The following EFCAB12 variants were observed in gnomAD, a reference collection of about 807,000 sequenced individuals.
EFCAB12 encodes EF-hand calcium-binding domain-containing protein 12.
EFCAB12 carries 43 observed loss-of-function variants against 53.6 expected under a neutral mutation model. The ratio of observed to expected loss-of-function variants is 0.80; its 90% CI spans 0.63 to 1.03. The LOEUF (loss-of-function observed/expected upper bound fraction) is 1.03, where lower values mean the gene tolerates loss of function less well. Among genes scored for constraint, EFCAB12 ranks in the 50% least tolerant of loss-of-function variants. The probability of loss-of-function intolerance (pLI) is 0.00; values close to 1 mark genes in which losing one functional copy is unlikely to be tolerated. For synonymous variants in EFCAB12, 269 were observed against 289.2 expected, an observed-to-expected ratio of 0.93 and a Z score of 0.71; for missense variants, 646 against 730.6, an observed-to-expected ratio of 0.88 and a Z score of 1.34.
intron 6 of EFCAB12, among the ~76,000 whole-genome samples, chr3:129,406,498 TGA>T (rs2071953028): frequency 6.6e-6 from 1 of 152,150 alleles, no homozygotes; most frequent in South Asian, 2.1e-4. Flanking sequence ...TGTGTGTGTA[TGA>T]GAGAGAGACA....
In EFCAB12 at chr3:129,408,775, C is replaced by A; in HGVS notation, c.1119G>T (p.Pro373=). 6.3e-7 allele frequency: 1 copy of A among 1,576,140 alleles called. No individual in the cohort carries two copies. Among genetic ancestry groups the A allele is most frequent in the Non-Finnish European group, 8.6e-7 (1 of 1,159,426 alleles). Residue 373 remains proline, a synonymous_variant, in exon 6 of 9, where the codon CCG becomes CCT. Coordinates refer to ENST00000505956, the MANE Select transcript of EFCAB12 (RefSeq NM_207307.3). Reference sequence around the variant, plus strand: ...CCCTCATATCCCCGTGGATGGTGGACGGGAGGCAGTGCTCATCAAAGTGCC... The same window carrying A: ...CCCTCATATCCCCGTGGATGGTGGAAGGGAGGCAGTGCTCATCAAAGTGCC... The part of the protein sequence containing the change: ...GNRHFDEHCL[P]STIHGDMREL...
In EFCAB12 at chr3:129,416,477, T is replaced by C. The variant is rs542601335; in HGVS notation, c.682-1076A>G. On this transcript the variant is annotated intron_variant, in intron 3 of 8. Coordinates refer to ENST00000505956, the MANE Select transcript of EFCAB12 (RefSeq NM_207307.3). Reference sequence around the variant, plus strand: ...AATGAACTCTCCTGGTGCTAAAGAATGTAATATTTAAACTTTTGGTTATGG... The same window carrying C: ...AATGAACTCTCCTGGTGCTAAAGAACGTAATATTTAAACTTTTGGTTATGG... Among the ~76,000 whole-genome samples, 26 of 152,286 alleles carry C rather than the reference T, an allele frequency of 1.7e-4. No individual in the cohort carries two copies. In the South Asian group the frequency reaches 5.2e-3, roughly 30 times the overall value.
intron 4 of EFCAB12, chr3:129,413,586 GAGAC>G (rs2072074710): frequency 6.6e-6 from 1 of 152,062 alleles, no homozygotes; most frequent in South Asian, 2.1e-4. Flanking sequence ...ACACAACAAA[GAGAC>G]AGAGAAGCAG....
intron 6 of EFCAB12, among the ~76,000 whole-genome samples, chr3:129,406,354 C>T (rs2071950661): frequency 6.6e-6 from 1 of 152,230 alleles, no homozygotes; most frequent in Non-Finnish European, 1.5e-5. Flanking sequence ...ACTGAAGTTG[C>T]TTGCCTGTGT....
At chr3:129,425,631 G>A (rs371944305) in intron 1 of EFCAB12, among the ~76,000 whole-genome samples, 1 of 152,166 alleles carries the variant, frequency 6.6e-6, no homozygotes, top group East Asian at 1.9e-4. Context: ...CCTCCTCAGG[G>A]AGCTTCATTC....
chr3:129,405,067 G>A (rs570135649), intron 6 of EFCAB12, among the ~76,000 whole-genome samples: 5 of 152,218 alleles, frequency 3.3e-5, no homozygotes, highest in Admixed American at 2.6e-4. Context: ...TACCTACCCC[G>A]GCCTCCCAAA....
chr3:129,428,337 G>A, intron 1 of EFCAB12, 103 bp downstream of exon 1: 4 of 1,469,690 alleles, frequency 2.7e-6, no homozygotes, highest in African/African-American at 1.4e-5. Flanking sequence ...TCACCCAGAG[G>A]GGGTCGGCAC....
chr3:129,414,733 G>C (rs894727806), intron 4 of EFCAB12: 1 of 152,346 alleles, frequency 6.6e-6, no homozygotes, highest in African/African-American at 2.4e-5. Context: ...TTGCTTGGCA[G>C]ATGGAACTTG....
chr3:129,426,327 C>T (rs1240732660), intron 1 of EFCAB12, among the ~76,000 whole-genome samples: 5 of 148,596 alleles, frequency 3.4e-5, no homozygotes, highest in Non-Finnish European at 7.4e-5. Flanking sequence ...CCTAAAACAT[C>T]TCCACTTGGA....
intron 6 of EFCAB12, among the ~76,000 whole-genome samples, chr3:129,405,444 T>C (rs1280037541): frequency 1.3e-5 from 2 of 152,220 alleles, no homozygotes; most frequent in African/African-American, 2.4e-5. Context: ...TAAAGTGTGA[T>C]TTAACAATGA....
chr3:129,411,523 T>C, intron 4 of EFCAB12, 169 bp from the exon 5 acceptor site: 1 of 583,392 alleles, frequency 1.7e-6, no homozygotes, highest in South Asian at 2.5e-5. Flanking sequence ...GTACCTTAGA[T>C]GTGGCCCTCC....
intron 6 of EFCAB12, among the ~76,000 whole-genome samples, chr3:129,406,254 G>A (rs9864987): frequency 0.02 from 3,048 of 152,236 alleles, 89 homozygotes; most frequent in African/African-American, 0.063. Context: ...AAGGAGGGAT[G>A]TTTTGGTGAA....
chr3:129,408,944 G>T, intron 5 of EFCAB12, 86 bp from the exon 6 acceptor site: 1 of 1,452,856 alleles, frequency 6.9e-7, no homozygotes, highest in Non-Finnish European at 9.4e-7. Context: ...GTGCCTCATC[G>T]ACCTCTCCCC....
intron 8 of EFCAB12, 36 bp downstream of exon 8, chr3:129,402,487 C>T (rs370665756): frequency 6.2e-7 from 1 of 1,601,558 alleles, no homozygotes; most frequent in African/African-American, 1.3e-5. Flanking sequence ...CTCCTCCCAC[C>T]TTCCTTCCTT....
At chr3:129,403,315 T>C (rs1297128115) in intron 7 of EFCAB12, 1 of 152,382 alleles carries the variant, frequency 6.6e-6, no homozygotes, top group Non-Finnish European at 1.5e-5. Flanking sequence ...ACGACAATCA[T>C]TGATTGAGTG....
chr3:129,405,546 G>A (rs2071938185), intron 6 of EFCAB12, among the ~76,000 whole-genome samples: 1 of 152,174 alleles, frequency 6.6e-6, no homozygotes, highest in African/African-American at 2.4e-5. Flanking sequence ...CTCAGGCTGG[G>A]GAATTTTGAT....
chr3:129,418,352 GCAGGTAGGAGTA>G lies in EFCAB12; in HGVS notation c.571_582del (p.Tyr191_Leu194del), dbSNP rs758413828. ...TCCAGGATCTTGATCTTGCGGCTAT[GCAGGTAGGAGTA>G]CATGACCGACAGGGCAGGGGGCTCG... On this transcript the variant is annotated inframe_deletion, in exon 3 of 9. Coordinates refer to ENST00000505956, the MANE Select transcript of EFCAB12 (RefSeq NM_207307.3). The G allele has an allele frequency of 4.3e-6, 7 of 1,613,886 alleles. No individual in the cohort carries two copies. The highest frequency in any genetic ancestry group is 5.9e-6 in the Non-Finnish European group (7 of 1,179,820).
chr3:129,418,764 A>G (rs900919817), intron 2 of EFCAB12, among the ~76,000 whole-genome samples: 2 of 152,144 alleles, frequency 1.3e-5, no homozygotes, highest in Non-Finnish European at 2.9e-5. Flanking sequence ...CTCTCAGTGC[A>G]CCAAAACCTA....
intron 3 of EFCAB12, 66 bp from the exon 4 acceptor site, chr3:129,415,467 G>A (rs181806040): frequency 6.3e-7 from 1 of 1,582,782 alleles, no homozygotes; most frequent in African/African-American, 1.4e-5. Flanking sequence ...GATGGCCAAG[G>A]CCTTACCAGC....
Sources: allele counts gnomAD v4.1 joint callset (sites outside exome capture counted in the v4.1 genomes callset), GRCh38; gene constraint gnomAD v4.1.1; transcripts MANE v1.5; gene names NCBI Gene and HGNC (gene_info 2026-07-23, HGNC 2026-07-21).